SERPINA6: variants seen among roughly 807,000 people sequenced by gnomAD.
SERPINA6 encodes the protein serpin family A member 6.
A neutral mutation model predicts 26.4 loss-of-function variants in SERPINA6; 19 were observed. The ratio of observed to expected loss-of-function variants is 0.72; its 90% CI spans 0.50 to 1.06. The LOEUF (loss-of-function observed/expected upper bound fraction) is 1.06, where lower values mean the gene tolerates loss of function less well. SERPINA6 is among the 50% of genes least tolerant of loss of function. The pLI, the probability that SERPINA6 is intolerant of heterozygous loss-of-function variation, is 0.00. For missense variants in SERPINA6, 473 were observed against 504.0 expected (o/e 0.94, Z 0.59); for synonymous variants, 196 against 199.4 (o/e 0.98, Z 0.14).
chr14:94,314,551 C>T lies in SERPINA6; in HGVS notation c.98G>A (p.Ser33Asn). ...TGAAGCCAGGCCCCGGTGATGGTTA[C>T]TCATGTTCACATAAGCAGCGTTAGG... ...MDPNAAYVNM[S>N]NHHRGLASAN... The change falls in exon 2 of 5, where the codon AGT becomes AAT. Residue 33 changes from serine to asparagine, a missense_variant. Physicochemically the swap from Ser to Asn is conservative, Grantham distance 46. Coordinates refer to ENST00000341584, the MANE Select transcript of SERPINA6 (RefSeq NM_001756.4). 6.2e-7 allele frequency: 1 copy of T among 1,614,232 alleles called. No individual in the cohort carries two copies. The highest frequency in any genetic ancestry group is 8.5e-7 in the Non-Finnish European group (1 of 1,180,040).
intron 2 of SERPINA6, 35 bp downstream of exon 2, chr14:94,314,001 T>G: frequency 6.2e-7 from 1 of 1,613,326 alleles, no homozygotes; most frequent in Admixed American, 1.7e-5. Context: ...CTGGCCATAG[T>G]GGATGGGCCT....
chr14:94,311,879 C>T (rs370003694), intron 2 of SERPINA6, among the ~76,000 whole-genome samples: 34 of 152,140 alleles, frequency 2.2e-4, no homozygotes, highest in Admixed American at 7.2e-4. Flanking sequence ...ACCCGGGAGG[C>T]GGAGCTTGCA....
chr14:94,313,858 C>T (rs745572059), intron 2 of SERPINA6, 178 bp downstream of exon 2: 1 of 831,768 alleles, frequency 1.2e-6, no homozygotes, highest in Non-Finnish European at 2.0e-6. Flanking sequence ...TCATTTTGAT[C>T]TTTTGTAAAA....
chr14:94,306,290 C>T (rs927129960), intron 3 of SERPINA6, 72 bp from the exon 4 acceptor site: 45 of 1,531,712 alleles, frequency 2.9e-5, no homozygotes, highest in Non-Finnish European at 3.9e-5. Context: ...AGCACCTCTT[C>T]TCCTGGCCAG....
chr14:94,316,852 C>T (rs750685775), intron 1 of SERPINA6, among the ~76,000 whole-genome samples: 6 of 152,204 alleles, frequency 3.9e-5, no homozygotes, highest in African/African-American at 7.2e-5. Context: ...AACACTGGGC[C>T]TCCTGCTTCT....
Position 94,310,017 on chromosome 14 carries a change from G to A in SERPINA6, c.614-11C>T. On this transcript the variant is annotated splice_polypyrimidine_tract_variant and intron_variant, in intron 2 of 4. Transcript: ENST00000341584. ...GCTGTGTCCATGTGCCTAGGAAGAG[G>A]AGGAGACAGGTCTGTAGGGCAGAGA... 1 of 1,613,934 alleles carries A rather than the reference G, an allele frequency of 6.2e-7. No individual in the cohort carries two copies.
chr14:94,317,852 G>C (rs1299452347), intron 1 of SERPINA6, among the ~76,000 whole-genome samples: 6 of 152,194 alleles, frequency 3.9e-5, no homozygotes, highest in African/African-American at 1.4e-4. Flanking sequence ...TTTCTAGCCA[G>C]AGCAATTGGG....
Position 94,306,113 on chromosome 14 carries a change from A to G in SERPINA6, c.990T>C (p.Asn330=). The part of the protein sequence containing the change: ...GIADLFTNQA[N]FSRITQDAQL... ...GGGCGTCCTGGGTGATGCGTGAGAA[A>G]TTTGCCTGGTTGGTGAACAAGTCTG... Residue 330 remains asparagine, a synonymous_variant, in exon 4 of 5, where the codon AAT becomes AAC. Coordinates refer to ENST00000341584, the MANE Select transcript of SERPINA6 (RefSeq NM_001756.4). 1 of 1,614,146 alleles carries G rather than the reference A, an allele frequency of 6.2e-7. No individual in the cohort carries two copies. Among genetic ancestry groups the G allele is most frequent in the East Asian group, 2.2e-5 (1 of 44,884 alleles).
In SERPINA6 at chr14:94,306,005, C is replaced by G. The variant is rs758993008; in HGVS notation, c.1032+66G>C. On this transcript the variant is annotated intron_variant, in intron 4 of 4. Coordinates refer to ENST00000341584, the MANE Select transcript of SERPINA6 (RefSeq NM_001756.4). ...TTCATGAACGAACTCAGTGCCACTT[C>G]CTAGTATTATATTTATATTGTGAAT... The G allele has an allele frequency of 3.8e-4, 606 of 1,590,384 alleles. 1 individual carries two copies. The highest frequency in any genetic ancestry group is 1.7e-3 in the Middle Eastern group (10 of 5,994).
In SERPINA6 at chr14:94,314,517, A is replaced by G. The variant is rs1478754014; in HGVS notation, c.132T>C (p.Val44=). 1.2e-6 allele frequency: 2 copies of G among 1,614,102 alleles called. No homozygotes were observed. The highest frequency in any genetic ancestry group is 1.7e-6 in the Non-Finnish European group (2 of 1,180,040). The change falls in exon 2 of 5, where the codon GTT becomes GTC. Residue 44 remains valine (V), a synonymous_variant. Coordinates refer to ENST00000341584, the MANE Select transcript of SERPINA6 (RefSeq NM_001756.4). ...GCTTATACAGGCTGAAGGCAAAGTC[A>G]ACGTTGGCTGAAGCCAGGCCCCGGT... is the stretch of plus-strand genomic sequence containing the variant. ...NHHRGLASAN[V]DFAFSLYKHL...
intron 3 of SERPINA6, among the ~76,000 whole-genome samples, chr14:94,309,162 C>T (rs1358561345): frequency 6.6e-6 from 1 of 152,246 alleles, no homozygotes; most frequent in Non-Finnish European, 1.5e-5. Flanking sequence ...TCAGGATATG[C>T]AGCCCTTGCT....
chr14:94,309,848 C>A lies in SERPINA6; in HGVS notation c.772G>T (p.Val258Leu). The change falls in exon 3 of 5, where the codon GTG becomes TTG. Residue 258 changes from valine (V) to leucine (L), a missense_variant. Val to Leu is a conservative substitution (Grantham distance 32, BLOSUM62 1). Coordinates refer to ENST00000341584, the MANE Select transcript of SERPINA6 (RefSeq NM_001756.4). ...ATGAAGAAGACAGTCCCATTGCCCA[C>A]GTAGTTCATCTGCACCAGCTGGCAG... The part of the protein sequence containing the change: ...LPCQLVQMNY[V>L]GNGTVFFILP... The A allele has an allele frequency of 6.2e-7, 1 of 1,614,206 alleles. No homozygotes were observed. Among genetic ancestry groups the A allele is most frequent in the Non-Finnish European group, 8.5e-7 (1 of 1,180,044 alleles).
intron 2 of SERPINA6, among the ~76,000 whole-genome samples, 181 bp from the exon 3 acceptor site, chr14:94,310,187 C>G (rs933559214): frequency 1.3e-5 from 2 of 152,204 alleles, no homozygotes; most frequent in African/African-American, 4.8e-5. Context: ...CTGTTTCATC[C>G]TCTACTTCTT....
intron 1 of SERPINA6, among the ~76,000 whole-genome samples, chr14:94,320,507 G>A (rs908334222): frequency 7.2e-5 from 11 of 152,154 alleles, no homozygotes; most frequent in Non-Finnish European, 1.0e-4. Context: ...TACTGCCTAC[G>A]TTGCTGGGTG....
chr14:94,319,245 G>T (rs1025278833), intron 1 of SERPINA6, among the ~76,000 whole-genome samples: 1 of 152,212 alleles, frequency 6.6e-6, no homozygotes, highest in African/African-American at 2.4e-5. Flanking sequence ...TTGAGGCCAG[G>T]AGTTTGAGAC....
At chr14:94,317,367 A>C (rs1895626530) in intron 1 of SERPINA6, among the ~76,000 whole-genome samples, 1 of 152,206 alleles carries the variant, frequency 6.6e-6, no homozygotes, top group Non-Finnish European at 1.5e-5. Context: ...TGAGACAGTC[A>C]AGTGTAAAGA....
chr14:94,304,743 C>A, intron 4 of SERPINA6, 140 bp from the exon 5 acceptor site: 2 of 722,074 alleles, frequency 2.8e-6, no homozygotes, highest in Middle Eastern at 7.8e-4. Context: ...GGATTCTTAT[C>A]CAAGTGGCAG....
intron 3 of SERPINA6, 126 bp downstream of exon 3, chr14:94,309,610 G>A (rs892694029): frequency 1.8e-6 from 2 of 1,109,026 alleles, no homozygotes; most frequent in Non-Finnish European, 2.7e-6. Context: ...CCAGCAGACA[G>A]GAAAACTGAG....
intron 4 of SERPINA6, 23 bp from the exon 5 acceptor site, chr14:94,304,626 G>A (rs775885963): frequency 1.2e-6 from 2 of 1,604,146 alleles, no homozygotes; most frequent in Non-Finnish European, 8.5e-7. Context: ...GAATGAAGAT[G>A]GGTAGTGAGA....
Sources: gnomAD v4.1 joint callset for allele counts (sites outside exome capture counted in the v4.1 genomes callset) on GRCh38, gnomAD v4.1.1 for gene constraint, MANE v1.5 for transcripts, NCBI Gene and HGNC (gene_info 2026-07-23, HGNC 2026-07-21) for gene names.